The following ARG2 variants were observed in gnomAD, a reference collection of about 807,000 sequenced individuals.
ARG2 encodes the protein arginase 2.
ARG2 carries 21 observed loss-of-function variants against 39.4 expected under a neutral mutation model. The observed-to-expected ratio is 0.53, with a 90% CI of 0.38 to 0.77. The LOEUF is 0.77. Ranked by LOEUF, ARG2 falls within the 30% of genes least tolerant of loss-of-function variation. The pLI, the probability that ARG2 is intolerant of heterozygous loss-of-function variation, is 0.00. For synonymous variants in ARG2, 150 were observed against 156.7 expected (o/e 0.96, Z 0.32); for missense variants, 378 against 426.2 (o/e 0.89, Z 1.00).
At chr14:67,633,136 A>T (rs1251462743) in intron 2 of ARG2, among the ~76,000 whole-genome samples, 2 of 152,002 alleles carry the variant, frequency 1.3e-5, no homozygotes, top group Non-Finnish European at 2.9e-5. Flanking sequence ...CTTAATTTTT[A>T]ATTAGTATTG....
At chr14:67,622,450 C>T (rs1048942643) in intron 2 of ARG2, among the ~76,000 whole-genome samples, 2 of 152,162 alleles carry the variant, frequency 1.3e-5, no homozygotes, top group African/African-American at 4.8e-5. Context: ...ATTCAATATT[C>T]GAACCTTGTT....
intron 3 of ARG2, among the ~76,000 whole-genome samples, chr14:67,643,751 G>A (rs1376379249): frequency 6.7e-6 from 1 of 149,802 alleles, no homozygotes; most frequent in Non-Finnish European, 1.5e-5. Context: ...GACTCTTCTG[G>A]TGATTATTTT....
In ARG2 at chr14:67,651,171, T is replaced by C. The variant is rs1257541138; in HGVS notation, c.*251T>C. ...AAATTTAAAGAAGTCATAAACAGCA[T>C]TTATTACCTTGGTATATCATACTGG... On this transcript the variant is annotated 3_prime_UTR_variant, in exon 8 of 8. Transcript: ENST00000261783. The C allele has an allele frequency of 4.9e-6, 5 of 1,012,812 alleles. No homozygotes were observed. Among genetic ancestry groups the C allele is most frequent in the African/African-American group, 3.3e-5 (2 of 61,352 alleles). The allele number at this position is 1,012,812 out of a possible 1,614,324, so 62.7% of individuals were successfully genotyped here. A position where few individuals can be genotyped will look rare whatever the true frequency, so the allele number is the denominator to read the frequency against.
chr14:67,643,852 TAAAAAAAAAAAA>T (rs553614739), intron 3 of ARG2, among the ~76,000 whole-genome samples: 23 of 81,218 alleles, frequency 2.8e-4, no homozygotes, highest in African/African-American at 5.0e-4. Context: ...TCCTTGGGAG[TAAAAAAAAAAAA>T]AAAAAAAAAA....
At chr14:67,630,980 T>C (rs1462801635) in intron 2 of ARG2, among the ~76,000 whole-genome samples, 2 of 152,180 alleles carry the variant, frequency 1.3e-5, no homozygotes, top group African/African-American at 4.8e-5. Flanking sequence ...GTTGGGTAAC[T>C]AACACTCGGC....
At chr14:67,633,540 T>C (rs1249345578) in intron 2 of ARG2, among the ~76,000 whole-genome samples, 5 of 152,208 alleles carry the variant, frequency 3.3e-5, no homozygotes, top group African/African-American at 1.2e-4. Flanking sequence ...TCCCTTCCCA[T>C]GCCCCTCTAT....
chr14:67,631,806 C>G (rs1253420215), intron 2 of ARG2, among the ~76,000 whole-genome samples: 1 of 152,104 alleles, frequency 6.6e-6, no homozygotes, highest in African/African-American at 2.4e-5. Flanking sequence ...CTGCTTTATC[C>G]TGTCTTGGTT....
At position 67,646,963 on chromosome 14, in the gene ARG2, A is replaced by T; in HGVS notation, c.660A>T (p.Arg220Ser). The T allele has an allele frequency of 6.2e-7, 1 of 1,612,332 alleles. No individual in the cohort carries two copies. Among genetic ancestry groups the T allele is most frequent in the Non-Finnish European group, 8.5e-7 (1 of 1,178,534 alleles). ...ATGATATCCAGTATTTTTCCATGAG[A>T]GATATTGATCGACTTGGTATCCAGA... Reference protein sequence around the residue: ...KNYDIQYFSMRDIDRLGIQKV... With the variant: ...KNYDIQYFSMSDIDRLGIQKV... The change falls in exon 6 of 8, where the codon AGA becomes AGT. Residue 220 changes from arginine (R) to serine (S), a missense_variant. Physicochemically the swap from Arg to Ser is moderately radical, Grantham distance 110 (BLOSUM62 -1). Coordinates refer to ENST00000261783, the MANE Select transcript of ARG2 (RefSeq NM_001172.4).
rs1232570407 is a variant in ARG2, at chr14:67,651,269, C to T, written c.*349C>T. 1.1e-5 allele frequency: 17 copies of T among 1,580,014 alleles called. No homozygotes were observed. The highest frequency in any genetic ancestry group is 1.5e-5 in the Non-Finnish European group (17 of 1,163,822). On this transcript the variant is annotated 3_prime_UTR_variant, in exon 8 of 8. Transcript: ENST00000261783. The stretch of plus-strand genomic sequence containing the variant: ...TCCCTCCTCCCACAGCCTGGCTATA[C>T]AGTGCATCCTTGAACTGTCAGCCCA...
chr14:67,646,256 G>A (rs752270764), intron 4 of ARG2, among the ~76,000 whole-genome samples: 1 of 152,184 alleles, frequency 6.6e-6, no homozygotes. Flanking sequence ...TTCATTGGGC[G>A]GAAGTCCTGT....
At chr14:67,635,273 C>T (rs549510610) in intron 2 of ARG2, among the ~76,000 whole-genome samples, 20 of 152,250 alleles carry the variant, frequency 1.3e-4, no homozygotes, top group Admixed American at 1.1e-3. Flanking sequence ...TAAGGTTGTA[C>T]AGTCTTTGGG....
intron 2 of ARG2, among the ~76,000 whole-genome samples, chr14:67,635,051 C>T (rs73274539): frequency 0.016 from 2,402 of 152,094 alleles, 73 homozygotes; most frequent in African/African-American, 0.054. Flanking sequence ...TTGAGACCAG[C>T]CTCGGTAAAA....
chr14:67,628,832 A>T (rs1208669087), intron 2 of ARG2, among the ~76,000 whole-genome samples: 1 of 152,212 alleles, frequency 6.6e-6, no homozygotes, highest in Non-Finnish European at 1.5e-5. Flanking sequence ...TCCTCTAAAA[A>T]TTAAAAATAG....
chr14:67,648,205 A>C, intron 7 of ARG2, 22 bp downstream of exon 7: 1 of 1,607,658 alleles, frequency 6.2e-7, no homozygotes, highest in Non-Finnish European at 8.5e-7. Flanking sequence ...CCAGGTCTGC[A>C]GCCTGTTAAC....
At chr14:67,632,442 TCACA>T (rs1159055849) in intron 2 of ARG2, among the ~76,000 whole-genome samples, 2 of 152,172 alleles carry the variant, frequency 1.3e-5, no homozygotes. Flanking sequence ...GCACCTTTGA[TCACA>T]CACAGTGTAT....
intron 2 of ARG2, 109 bp downstream of exon 2, chr14:67,621,075 C>A: frequency 1.0e-6 from 1 of 997,134 alleles, no homozygotes; most frequent in Non-Finnish European, 1.6e-6. Context: ...GAACAGTCTG[C>A]CACATCCCGC....
intron 4 of ARG2, 62 bp downstream of exon 4, chr14:67,645,864 A>G (rs2037091782): frequency 2.5e-6 from 4 of 1,570,364 alleles, no homozygotes; most frequent in Non-Finnish European, 3.5e-6. Flanking sequence ...GAGTTGGTCT[A>G]GTTCAGTTAA....
chr14:67,631,509 C>T (rs1000461378), intron 2 of ARG2, among the ~76,000 whole-genome samples: 16 of 146,314 alleles, frequency 1.1e-4, no homozygotes, highest in African/African-American at 3.8e-4. Flanking sequence ...GATCTCAGCT[C>T]ACTACAGCCT....
intron 2 of ARG2, among the ~76,000 whole-genome samples, chr14:67,635,989 C>T (rs1307001499): frequency 1.3e-5 from 2 of 152,156 alleles, no homozygotes; most frequent in African/African-American, 4.8e-5. Context: ...GATGCAGAGT[C>T]TTTGTTTTTC....
Sources: allele counts gnomAD v4.1 joint callset (sites outside exome capture counted in the v4.1 genomes callset), GRCh38; gene constraint gnomAD v4.1.1; transcripts MANE v1.5; gene names NCBI Gene and HGNC (gene_info 2026-07-23, HGNC 2026-07-21).